Variants in ADGRL3 observed in about 807,000 individuals in gnomAD.
ADGRL3 encodes the protein calcium-independent alpha-latrotoxin receptor 3.
A neutral mutation model predicts 153.5 loss-of-function variants in ADGRL3; 62 were observed. The observed-to-expected ratio is 0.40, with a 90% confidence interval of 0.33 to 0.50. The LOEUF (loss-of-function observed/expected upper bound fraction) is 0.50, where lower values mean the gene tolerates loss of function less well. Among genes scored for constraint, ADGRL3 ranks in the 20% least tolerant of loss-of-function variants. The pLI, the probability that ADGRL3 is intolerant of heterozygous loss-of-function variation, is 0.47. For synonymous variants in ADGRL3, 710 were observed against 672.5 expected, an observed-to-expected ratio of 1.06 and a Z score of -0.86; for missense variants, 1,641 against 1,859.4, an observed-to-expected ratio of 0.88 and a Z score of 2.16.
chr4:61,646,744 T>G (rs1208656002), intron 5 of ADGRL3, among the ~76,000 whole-genome samples: 2 of 152,314 alleles, frequency 1.3e-5, no homozygotes, highest in East Asian at 3.9e-4. Flanking sequence ...GTCTGTGCCC[T>G]GCCCCCAGAG....
chr4:62,007,869 G>A (rs1408505087), intron 21 of ADGRL3, among the ~76,000 whole-genome samples: 2 of 152,110 alleles, frequency 1.3e-5, no homozygotes, highest in Non-Finnish European at 2.9e-5. Flanking sequence ...ACTAGGGACT[G>A]TAACCCTGAG....
At chr4:61,948,345 A>G (rs1280153396) in intron 17 of ADGRL3, 69 bp downstream of exon 17, 5 of 1,140,788 alleles carry the variant, frequency 4.4e-6, no homozygotes, top group Non-Finnish European at 3.8e-6. Context: ...AATAGTCCTA[A>G]CTATATGGGC....
intron 9 of ADGRL3, among the ~76,000 whole-genome samples, chr4:61,855,493 T>C (rs1301150755): frequency 6.6e-6 from 1 of 152,150 alleles, no homozygotes; most frequent in Non-Finnish European, 1.5e-5. Context: ...GTTTAGTGAG[T>C]GGATTAACTA....
intron 21 of ADGRL3, among the ~76,000 whole-genome samples, chr4:62,001,588 G>A (rs2099140495): frequency 6.6e-6 from 1 of 151,866 alleles, no homozygotes; most frequent in Non-Finnish European, 1.5e-5. Context: ...AAATCAGCAG[G>A]GCATAATTGC....
intron 9 of ADGRL3, among the ~76,000 whole-genome samples, chr4:61,839,693 G>A (rs1016091972): frequency 2.0e-5 from 3 of 151,758 alleles, no homozygotes; most frequent in Admixed American, 2.0e-4. Context: ...AACACTTTGG[G>A]TAGGCCAAGG....
intron 4 of ADGRL3, among the ~76,000 whole-genome samples, chr4:61,572,758 TAA>T (rs2098844278): frequency 1.3e-5 from 2 of 151,962 alleles, no homozygotes; most frequent in African/African-American, 4.8e-5. Flanking sequence ...TTTTGACCCA[TAA>T]ATAGTAGTGT....
rs1268626521 is a variant in ADGRL3, at chr4:62,076,880, T to A, written c.*5972T>A. 6.6e-6 allele frequency: 1 copy of A among 151,658 alleles called. No individual in the cohort carries two copies. The highest frequency in any genetic ancestry group is 2.1e-4 in the South Asian group (1 of 4,832). 9.4% of individuals were successfully genotyped at this position (151,658 alleles called of 1,614,324 possible). Reference sequence around the variant, plus strand: ...AAAGCTCTATTATGAATCTTTCTAATACATATGAAATTAATATTATATTAG... The same window carrying A: ...AAAGCTCTATTATGAATCTTTCTAAAACATATGAAATTAATATTATATTAG... On this transcript the variant is annotated 3_prime_UTR_variant, in exon 27 of 27. Coordinates refer to ENST00000683033, the MANE Select transcript of ADGRL3 (RefSeq NM_001387552.1).
intron 8 of ADGRL3, among the ~76,000 whole-genome samples, chr4:61,753,910 G>A (rs933714134): frequency 5.9e-5 from 9 of 152,108 alleles, no homozygotes; most frequent in Admixed American, 5.9e-4. Flanking sequence ...GCGCCTGGAG[G>A]CTAGGATACC....
chr4:61,355,633 C>G (rs1288064613), intron 1 of ADGRL3, among the ~76,000 whole-genome samples: 10 of 152,036 alleles, frequency 6.6e-5, no homozygotes, highest in Non-Finnish European at 1.3e-4. Flanking sequence ...ATATCCAAGT[C>G]TATTTAGACA....
At chr4:61,820,795 AAAAGTT>A (rs1330721485) in intron 9 of ADGRL3, among the ~76,000 whole-genome samples, 3 of 152,122 alleles carry the variant, frequency 2.0e-5, no homozygotes, top group Admixed American at 6.6e-5. Flanking sequence ...AGGACTCATT[AAAAGTT>A]AGAGTTCTGA....
chr4:61,671,492 A>T (rs1472839045), intron 5 of ADGRL3, among the ~76,000 whole-genome samples: 2 of 152,252 alleles, frequency 1.3e-5, no homozygotes, highest in South Asian at 2.1e-4. Context: ...TGACAGTTAC[A>T]TGTAAATCGG....
chr4:61,999,948 G>A (rs1459766169), intron 21 of ADGRL3, among the ~76,000 whole-genome samples: 1 of 151,984 alleles, frequency 6.6e-6, no homozygotes, highest in Non-Finnish European at 1.5e-5. Context: ...GTTTAATTAT[G>A]TACAATTAAA....
At chr4:61,600,255 C>G (rs575355413) in intron 5 of ADGRL3, among the ~76,000 whole-genome samples, 2 of 135,520 alleles carry the variant, frequency 1.5e-5, no homozygotes, top group South Asian at 4.8e-4. Context: ...TTGCAGTGAG[C>G]CGAGATCACT....
At chr4:61,473,800 T>C (rs1214432511) in intron 2 of ADGRL3, among the ~76,000 whole-genome samples, 1 of 152,156 alleles carries the variant, frequency 6.6e-6, no homozygotes, top group Non-Finnish European at 1.5e-5. Context: ...TGGTTTGTTT[T>C]AGCACAATTT....
intron 9 of ADGRL3, among the ~76,000 whole-genome samples, chr4:61,841,646 A>G (rs1034684129): frequency 2.6e-5 from 4 of 152,220 alleles, no homozygotes; most frequent in East Asian, 3.9e-4. Context: ...CATTTAACCC[A>G]TGAGAGAATT....
At chr4:61,240,218 C>A (rs1020483) in intron 1 of ADGRL3, among the ~76,000 whole-genome samples, 66,313 of 151,608 alleles carry the variant, frequency 0.44, 15,029 homozygotes, top group East Asian at 0.62. Context: ...AGTGGAAGGG[C>A]AAAAAGGGGC....
chr4:61,871,861 A>G (rs1233127375), intron 9 of ADGRL3, among the ~76,000 whole-genome samples: 1 of 152,162 alleles, frequency 6.6e-6, no homozygotes, highest in Admixed American at 6.5e-5. Context: ...ACCTGAAATG[A>G]TCTTCCCTGT....
chr4:61,922,910 A>T (rs1373015787), intron 13 of ADGRL3, among the ~76,000 whole-genome samples: 1 of 152,218 alleles, frequency 6.6e-6, no homozygotes, highest in Non-Finnish European at 1.5e-5. Context: ...ATTAAAACAC[A>T]GTCATATGAG....
At chr4:61,321,315 A>G (rs1364271589) in intron 1 of ADGRL3, among the ~76,000 whole-genome samples, 1 of 152,122 alleles carries the variant, frequency 6.6e-6, no homozygotes, top group Admixed American at 6.6e-5. Flanking sequence ...TGGTAGTCCC[A>G]GCGTTTCCTC....
Sources: allele counts gnomAD v4.1 joint callset (sites outside exome capture counted in the v4.1 genomes callset), GRCh38; gene constraint gnomAD v4.1.1; transcripts MANE v1.5; gene names NCBI Gene and HGNC (gene_info 2026-07-23, HGNC 2026-07-21).